Variants in RABL6 observed in about 807,000 individuals in gnomAD.
The protein encoded by RABL6 is RAB, member RAS oncogene family like 6.
Under a neutral mutation model 72.9 loss-of-function variants are expected in RABL6, and 28 were observed. The observed-to-expected ratio is 0.38, with a 90% CI of 0.28 to 0.53. The LOEUF is 0.53. Among genes scored for constraint, RABL6 ranks in the 20% least tolerant of loss-of-function variants. The probability of loss-of-function intolerance (pLI) is 0.80; values close to 1 mark genes in which losing one functional copy is unlikely to be tolerated. For missense variants in RABL6, 1,029 were observed against 1,008.4 expected, an observed-to-expected ratio of 1.02 and a Z score of -0.28; for synonymous variants, 477 against 421.2, an observed-to-expected ratio of 1.13 and a Z score of -1.62.
chr9:136,810,912 G>C (rs560797824), intron 1 of RABL6, among the ~76,000 whole-genome samples: 1 of 152,318 alleles, frequency 6.6e-6, no homozygotes, highest in South Asian at 2.1e-4. Context: ...CAGAGTCGAG[G>C]GTTTTGGGGG....
intron 1 of RABL6, chr9:136,821,467 A>G: frequency 1.0e-6 from 1 of 985,324 alleles, no homozygotes; most frequent in African/African-American, 1.7e-5. Context: ...CGCGGGACGG[A>G]CGTGGATGGC....
rs1848668390 is a variant in RABL6 at position 136,840,393 on chromosome 9, G to A, written c.2061G>A (p.Glu687=). The A allele has an allele frequency of 6.4e-7, 1 of 1,551,588 alleles. No individual in the cohort carries two copies. The highest frequency in any genetic ancestry group is 8.7e-7 in the Non-Finnish European group (1 of 1,147,620). The change falls in exon 15 of 15, where the codon GAG becomes GAA. Residue 687 remains glutamate (E), a synonymous_variant. Coordinates refer to ENST00000311502, the MANE Select transcript of RABL6 (RefSeq NM_024718.5). ...KSKDKEEGKE[E]RRRRQQRPPR... is the part of the protein sequence containing the mutation. ...AGGACAAGGAGGAGGGCAAGGAGGA[G>A]CGGCGACGGCGGCAGCAGCGGCCCC...
intron 1 of RABL6, among the ~76,000 whole-genome samples, chr9:136,812,166 C>G (rs185859790): frequency 1.0e-3 from 155 of 152,302 alleles, no homozygotes; most frequent in Non-Finnish European, 1.6e-3. Context: ...TGTGGAGTTG[C>G]TCCTGAGTGA....
At chr9:136,829,848 C>G (rs1848434971) in intron 5 of RABL6, among the ~76,000 whole-genome samples, 1 of 152,220 alleles carries the variant, frequency 6.6e-6, no homozygotes, top group South Asian at 2.1e-4. Flanking sequence ...CCTAGGAGGA[C>G]CCACAGCCAA....
intron 8 of RABL6, 24 bp downstream of exon 8, chr9:136,835,869 C>A (rs774487303): frequency 2.7e-5 from 42 of 1,546,048 alleles, no homozygotes; most frequent in Non-Finnish European, 3.7e-5. Flanking sequence ...CCCGCCCGTG[C>A]GGGCGGTGTG....
At position 136,831,878 on chromosome 9, in the gene RABL6, T is replaced by A; in HGVS notation, c.599+17T>A. ...CCTGGACAGGTGGGTGCGGTGGCCC[T>A]GCTCCCGAGGGACCCTGCCCGGTGC... On this transcript the variant is annotated intron_variant, in intron 6 of 14. Transcript: ENST00000311502. The A allele has an allele frequency of 6.3e-7, 1 of 1,599,632 alleles. No homozygotes were observed. Among genetic ancestry groups the A allele is most frequent in the Non-Finnish European group, 8.5e-7 (1 of 1,171,544 alleles).
intron 7 of RABL6, among the ~76,000 whole-genome samples, chr9:136,834,918 T>G (rs1848557414): frequency 8.0e-6 from 1 of 125,592 alleles, no homozygotes; most frequent in African/African-American, 3.1e-5. Context: ...TAATATAGCA[T>G]GACCCTGTTC....
At chr9:136,819,687 AAGAG>A (rs1279943186) in intron 1 of RABL6, among the ~76,000 whole-genome samples, 2 of 152,186 alleles carry the variant, frequency 1.3e-5, no homozygotes, top group African/African-American at 2.4e-5. Context: ...TTCAAAATGA[AAGAG>A]AGCGGGTAGA....
At chr9:136,833,922 TAGAG>T (rs1564370125) in intron 7 of RABL6, 10 of 1,550,072 alleles carry the variant, frequency 6.5e-6, no homozygotes, top group Non-Finnish European at 7.8e-6. Context: ...GATTACTCCT[TAGAG>T]AGCTCCCCAC....
rs1428447520 is a variant in RABL6, at chr9:136,822,136, A to G, written c.131-1389A>G. On this transcript the variant is annotated intron_variant, in intron 1 of 14. Transcript: ENST00000311502. ...ACAGGGACAGCCCAGGGTCCCTCAG[A>G]GCTTCGAGGCCGGGCGCCCTCTGCG... 4 of 1,237,098 alleles carry G rather than the reference A, an allele frequency of 3.2e-6. No individual in the cohort carries two copies. In the Admixed American group the frequency reaches 1.1e-4, roughly 34 times the overall value. The allele number at this position is 1,237,098 out of a possible 1,614,324, so 76.6% of individuals were successfully genotyped here.
At chr9:136,830,438 G>A (rs2131189955) in intron 5 of RABL6, among the ~76,000 whole-genome samples, 1 of 152,376 alleles carries the variant, frequency 6.6e-6, no homozygotes, top group Admixed American at 6.5e-5. Context: ...CCTCAGGAGA[G>A]CCCTCGGTGG....
At chr9:136,836,922 G>A (rs1848593468) in intron 8 of RABL6, 1 of 344,810 alleles carries the variant, frequency 2.9e-6, no homozygotes, top group Non-Finnish European at 5.6e-6. Flanking sequence ...CGCCCAGGCT[G>A]GAGCGCAGTG....
At chr9:136,815,413 C>T (rs1288163577) in intron 1 of RABL6, 2 of 280,528 alleles carry the variant, frequency 7.1e-6, no homozygotes, top group East Asian at 2.0e-4. Flanking sequence ...GTCTCTTCTC[C>T]ACAGCTGTCA....
intron 1 of RABL6, among the ~76,000 whole-genome samples, chr9:136,811,747 C>T (rs1230825492): frequency 6.6e-6 from 1 of 152,178 alleles, no homozygotes; most frequent in Non-Finnish European, 1.5e-5. Context: ...ACCCCTTGGC[C>T]TCCCAAAGTG....
chr9:136,830,661 C>G (rs755857162), intron 5 of RABL6, among the ~76,000 whole-genome samples: 1 of 152,264 alleles, frequency 6.6e-6, no homozygotes, highest in Non-Finnish European at 1.5e-5. Flanking sequence ...GTGTGGCCTC[C>G]ACGGCACCTC....
chr9:136,840,327 A>C lies in RABL6; in HGVS notation c.1995A>C (p.Glu665Asp), dbSNP rs1848666459. 1 of 1,583,406 alleles carries C rather than the reference A, an allele frequency of 6.3e-7. No homozygotes were observed. Among genetic ancestry groups the C allele is most frequent in the African/African-American group, 1.4e-5 (1 of 73,860 alleles). Reference protein sequence around the residue: ...KKKKKKGKEEEEKAAKKKSKH... With the variant: ...KKKKKKGKEEDEKAAKKKSKH... Reference sequence around the variant, plus strand: ...CCCATCCTTGTGCTCCTCAGGAAGAAGAAAAAGCTGCCAAGAAGAAGAGCA... The same window carrying C: ...CCCATCCTTGTGCTCCTCAGGAAGACGAAAAAGCTGCCAAGAAGAAGAGCA... Residue 665 changes from glutamate to aspartate, a missense_variant, in exon 15 of 15, where the codon GAA becomes GAC. Around this residue, in one of 2 missense-constraint regions of RABL6, gnomAD observed 595 missense variants for 472.4 expected, o/e 1.26. Transcript: ENST00000311502.
intron 5 of RABL6, 145 bp from the exon 6 acceptor site, chr9:136,831,576 C>A: frequency 8.3e-7 from 1 of 1,201,222 alleles, no homozygotes; most frequent in Non-Finnish European, 1.2e-6. Context: ...TCTAGCTCTG[C>A]ATGCACGAGG....
chr9:136,833,687 G>C, intron 7 of RABL6: 1 of 1,548,892 alleles, frequency 6.5e-7, no homozygotes, highest in South Asian at 1.2e-5. Context: ...CTGGGGCCCA[G>C]CTGCAGCTGC....
intron 1 of RABL6, among the ~76,000 whole-genome samples, chr9:136,820,200 CAAAAAAAAAAAAAA>C (rs34975162): frequency 1.3e-5 from 1 of 77,844 alleles, no homozygotes; most frequent in Admixed American, 1.7e-4. Context: ...CTCCATCTTC[CAAAAAAAAAAAAAA>C]AAAAAAAAAA....
Sources: allele counts gnomAD v4.1 joint callset (sites outside exome capture counted in the v4.1 genomes callset), GRCh38; gene constraint gnomAD v4.1.1; regional missense constraint gnomAD v4.1.1; transcripts MANE v1.5; gene names NCBI Gene and HGNC (gene_info 2026-07-23, HGNC 2026-07-21).